ASIC2: variants seen among roughly 807,000 people sequenced by gnomAD.
ASIC2 encodes the protein acid-sensing ion channel 2.
ASIC2 carries 25 observed loss-of-function variants against 57.3 expected under a neutral mutation model. That is an observed-to-expected ratio of 0.44 (90% CI 0.32 to 0.61). The LOEUF is 0.61. Among genes scored for constraint, ASIC2 ranks in the 20% least tolerant of loss-of-function variants. ASIC2 has a pLI of 0.06. For missense variants in ASIC2, 641 were observed against 738.1 expected, an observed-to-expected ratio of 0.87 and a Z score of 1.52; for synonymous variants, 319 against 307.5, an observed-to-expected ratio of 1.04 and a Z score of -0.39.
intron 1 of ASIC2, among the ~76,000 whole-genome samples, chr17:33,432,123 A>G (rs980873835): frequency 1.3e-5 from 2 of 152,182 alleles, no homozygotes; most frequent in Non-Finnish European, 2.9e-5. Flanking sequence ...GGGTCCAGTA[A>G]TACGTAGATT....
intron 1 of ASIC2, among the ~76,000 whole-genome samples, chr17:33,342,186 G>A (rs535286586): frequency 2.0e-4 from 30 of 152,286 alleles, no homozygotes; most frequent in East Asian, 3.9e-4. Context: ...TGGTGCAGAA[G>A]GATAAGGTCC....
intron 1 of ASIC2, among the ~76,000 whole-genome samples, chr17:33,702,713 T>C (rs1416731213): frequency 1.3e-5 from 2 of 152,218 alleles, no homozygotes; most frequent in Admixed American, 6.5e-5. Flanking sequence ...TGCAATCTAC[T>C]TCTTATAAAT....
chr17:33,358,485 G>A lies in ASIC2; in HGVS notation c.556-246418C>T, dbSNP rs552156278. On this transcript the variant is annotated intron_variant, in intron 1 of 9. Transcript: ENST00000359872. Reference sequence around the variant, plus strand: ...CAAATATTATCATTCATTCATTCACGTATTCATTTTTGTAGTGGACATTTA... The same window carrying A: ...CAAATATTATCATTCATTCATTCACATATTCATTTTTGTAGTGGACATTTA... 1.6e-4 allele frequency among the ~76,000 whole-genome samples: 25 copies of A among 152,274 alleles called. No individual in the cohort carries two copies. The East Asian group carries it at 1.7e-3, about 11-fold the overall frequency.
intron 1 of ASIC2, among the ~76,000 whole-genome samples, chr17:33,809,030 G>T (rs1912345678): frequency 6.6e-6 from 1 of 152,206 alleles, no homozygotes; most frequent in Non-Finnish European, 1.5e-5. Flanking sequence ...TGTCCAGTGA[G>T]GTGAAAAGTT....
intron 1 of ASIC2, among the ~76,000 whole-genome samples, chr17:33,750,674 CTTTG>C (rs1422278582): frequency 6.6e-6 from 1 of 152,100 alleles, no homozygotes; most frequent in Non-Finnish European, 1.5e-5. Flanking sequence ...GTTTATAATG[CTTTG>C]TTTGTTTTGT....
chr17:33,204,908 C>G (rs117632784), intron 1 of ASIC2, among the ~76,000 whole-genome samples: 1,644 of 152,300 alleles, frequency 0.011, 9 homozygotes, highest in Non-Finnish European at 0.016. Flanking sequence ...CAAACCTTAT[C>G]CAGGTGACAG....
chr17:33,292,154 G>T lies in ASIC2; in HGVS notation c.-39C>A. 1.9e-6 allele frequency: 2 copies of T among 1,025,738 alleles called. No individual in the cohort carries two copies. The highest frequency in any genetic ancestry group is 2.3e-6 in the Non-Finnish European group (2 of 858,454). The allele number at this position is 1,025,738 out of a possible 1,614,324, so 63.5% of individuals were successfully genotyped here. A position where few individuals can be genotyped will look rare whatever the true frequency, so the allele number is the denominator to read the frequency against. On this transcript the variant is annotated 5_prime_UTR_variant, in exon 1 of 10. Transcript: ENST00000225823. Reference sequence around the variant, plus strand: ...GGCTGGCGGCAGCGGCGGCGGCCCCGGCCGGGCGGAGCCGCCATGGGAGTC... The same window carrying T: ...GGCTGGCGGCAGCGGCGGCGGCCCCTGCCGGGCGGAGCCGCCATGGGAGTC...
intron 1 of ASIC2, chr17:33,635,100 C>A (rs1906312314): frequency 6.6e-6 from 1 of 151,644 alleles, no homozygotes; most frequent in South Asian, 2.1e-4. Context: ...ATTTGTCATC[C>A]AAGTCTAGGG....
At chr17:33,465,571 AC>A (rs1328701223) in intron 1 of ASIC2, among the ~76,000 whole-genome samples, 10 of 151,896 alleles carry the variant, frequency 6.6e-5, no homozygotes, top group Admixed American at 1.3e-4. Flanking sequence ...ACAGAGTTTC[AC>A]CATGTTGGCC....
Position 34,156,254 on chromosome 17 carries a change from G to A in ASIC2, c.279C>T (p.Asn93=), listed in dbSNP as rs1180183198. The change falls in exon 1 of 10, where the codon AAC becomes AAT. Residue 93 remains asparagine (N), a synonymous_variant. Transcript: ENST00000359872. The surrounding 1 kb of genome is among the most constrained non-coding windows in gnomAD (Gnocchi z 4.4). ...GCCTGGAGAACCGGAAGCCATTCAG[G>A]TTACAGAGGGTCACAGCTGGGAAGA... 6.2e-7 allele frequency: 1 copy of A among 1,614,158 alleles called. No homozygotes were observed. The highest frequency in any genetic ancestry group is 1.7e-5 in the Admixed American group (1 of 60,032).
At chr17:33,929,727 A>G (rs567317250) in intron 1 of ASIC2, among the ~76,000 whole-genome samples, 1 of 152,270 alleles carries the variant, frequency 6.6e-6, no homozygotes, top group East Asian at 1.9e-4. Context: ...TTGTGAATCC[A>G]TCTCTAGGTT....
chr17:34,032,915 G>C (rs914826977), intron 1 of ASIC2, among the ~76,000 whole-genome samples: 3 of 152,168 alleles, frequency 2.0e-5, no homozygotes, highest in African/African-American at 7.2e-5. Context: ...AATAATAATG[G>C]GAGACTTTAA....
At chr17:33,098,716 T>C (rs1168354244) in intron 2 of ASIC2, among the ~76,000 whole-genome samples, 1 of 152,188 alleles carries the variant, frequency 6.6e-6, no homozygotes, top group East Asian at 1.9e-4. Flanking sequence ...TGTTATACTT[T>C]GTTGATCCGA....
intron 1 of ASIC2, among the ~76,000 whole-genome samples, chr17:33,190,146 T>C (rs1906356327): frequency 6.6e-6 from 1 of 152,186 alleles, no homozygotes. Flanking sequence ...TCCTAAAGAA[T>C]TTATTTAAAA....
At chr17:33,969,297 A>G (rs1905157761) in intron 1 of ASIC2, among the ~76,000 whole-genome samples, 2 of 152,242 alleles carry the variant, frequency 1.3e-5, no homozygotes, top group African/African-American at 4.8e-5. Context: ...TTTCTGGTAC[A>G]TAGCCAATGC....
rs576635773 is a variant in ASIC2, at chr17:34,014,766, A to C, written c.555+141212T>G. On this transcript the variant is annotated intron_variant, in intron 1 of 9. Transcript: ENST00000359872. ...TGGGGACATGGATAGCTCCCCATGCATGTTGCAAGGCTTAATGGGAACGAT... is the reference window on the plus strand; with the variant it reads ...TGGGGACATGGATAGCTCCCCATGCCTGTTGCAAGGCTTAATGGGAACGAT... 1.1e-4 allele frequency among the ~76,000 whole-genome samples: 16 copies of C among 152,294 alleles called. No individual in the cohort carries two copies. The East Asian group carries it at 3.1e-3, about 29-fold the overall frequency.
rs921629054 is a variant in ASIC2, at chr17:33,367,637, A to G, written c.556-255570T>C. Among the ~76,000 whole-genome samples the G allele has an allele frequency of 3.9e-5, 6 of 152,232 alleles. No individual in the cohort carries two copies. The East Asian group carries it at 1.2e-3, about 29-fold the overall frequency. ...TTTTGTTTCTAATTCTGTTGTGAGC[A>G]AAATCAGAGCCTTCCTTTGGTTCTT... On this transcript the variant is annotated intron_variant, in intron 1 of 9. Coordinates refer to the ASIC2 transcript ENST00000359872.
chr17:33,151,930 A>G (rs1904816895), intron 1 of ASIC2, among the ~76,000 whole-genome samples: 1 of 152,378 alleles, frequency 6.6e-6, no homozygotes, highest in African/African-American at 2.4e-5. Context: ...CTAAAGCCCA[A>G]GATGTAAGTA....
intron 1 of ASIC2, among the ~76,000 whole-genome samples, chr17:33,831,081 C>T (rs866896766): frequency 2.8e-4 from 33 of 117,996 alleles, no homozygotes; most frequent in African/African-American, 1.0e-3. Flanking sequence ...TGCACTCCAG[C>T]CTGGGTGACA....
Sources: gnomAD v4.1 joint callset for allele counts (sites outside exome capture counted in the v4.1 genomes callset) on GRCh38, gnomAD v4.1.1 for gene constraint, Gnocchi (gnomAD v3.1) non-coding constraint, MANE v1.5 for transcripts, NCBI Gene and HGNC (gene_info 2026-07-23, HGNC 2026-07-21) for gene names.